KDM5B: variants seen among roughly 807,000 people sequenced by gnomAD.
KDM5B encodes the protein lysine demethylase 5B, also known as lysine-specific demethylase 5B.
In KDM5B, 144 loss-of-function variants were observed where a neutral mutation model predicts 193.4. That is an observed-to-expected ratio of 0.74 (90% CI 0.65 to 0.86). The LOEUF (loss-of-function observed/expected upper bound fraction) is 0.86, where lower values mean the gene tolerates loss of function less well. KDM5B is among the 40% of genes least tolerant of loss of function. The probability of loss-of-function intolerance (pLI) is 0.00; values close to 1 mark genes in which losing one functional copy is unlikely to be tolerated. For synonymous variants in KDM5B, 668 were observed against 682.6 expected, an observed-to-expected ratio of 0.98 and a Z score of 0.33; for missense variants, 1,833 against 1,886.9, an observed-to-expected ratio of 0.97 and a Z score of 0.53.
intron 1 of KDM5B, among the ~76,000 whole-genome samples, chr1:202,780,851 T>C (rs72750695): frequency 0.19 from 28,038 of 151,326 alleles, 2,973 homozygotes; most frequent in Middle Eastern, 0.28. Context: ...ATTACCTACA[T>C]ATACATATGA....
In KDM5B at chr1:202,741,659, G is replaced by A; in HGVS notation, c.2653C>T (p.Pro885Ser). The stretch of plus-strand genomic sequence containing the variant: ...AAGTCCTGCAGCTCCGCAGCACTAG[G>A]CGTTTCCTCAGAGAGTAGTTTCTGA... ...HSQKLLSEETPSAAELQDLLD... is the reference protein window; with the variant it reads ...HSQKLLSEETSSAAELQDLLD... Residue 885 changes from proline (P) to serine (S), a missense_variant, in exon 19 of 27, where the codon CCT becomes TCT. Around this residue, in one of 3 missense-constraint regions of KDM5B, gnomAD observed 1,379 missense variants for 1,349.6 expected, o/e 1.02. Transcript: ENST00000367265. 1 of 1,614,010 alleles carries A rather than the reference G, an allele frequency of 6.2e-7. No homozygotes were observed. The highest frequency in any genetic ancestry group is 1.3e-5 in the African/African-American group (1 of 75,052).
At chr1:202,770,718 C>T (rs1447179713) in intron 4 of KDM5B, among the ~76,000 whole-genome samples, 43 of 152,162 alleles carry the variant, frequency 2.8e-4, no homozygotes, top group Admixed American at 2.8e-3. Flanking sequence ...TGTATATGAA[C>T]AGTACACTTG....
chr1:202,800,292 T>C (rs965140841), intron 1 of KDM5B, among the ~76,000 whole-genome samples: 10 of 152,050 alleles, frequency 6.6e-5, no homozygotes, highest in Non-Finnish European at 1.3e-4. Context: ...TCCACCTGCC[T>C]CGGCCTCCCA....
At chr1:202,743,478 CAGTT>C (rs1167523246) in intron 16 of KDM5B, among the ~76,000 whole-genome samples, 1 of 151,988 alleles carries the variant, frequency 6.6e-6, no homozygotes, top group Non-Finnish European at 1.5e-5. Context: ...TTTTATTCTG[CAGTT>C]AGTGAGTAAC....
chr1:202,802,146 G>A (rs1287470256), intron 1 of KDM5B, among the ~76,000 whole-genome samples: 1 of 152,072 alleles, frequency 6.6e-6, no homozygotes, highest in African/African-American at 2.4e-5. Flanking sequence ...ACCTATAGAT[G>A]GCATTTGGAA....
At chr1:202,760,985 A>C (rs1572736533) in intron 7 of KDM5B, among the ~76,000 whole-genome samples, 2 of 151,760 alleles carry the variant, frequency 1.3e-5, no homozygotes, top group African/African-American at 4.8e-5. Context: ...CCCTTATTGC[A>C]CCACTGCGCT....
Position 202,730,932 on chromosome 1 carries a change from G to T in KDM5B, c.4153C>A (p.Pro1385Thr). The change falls in exon 25 of 27, where the codon CCA becomes ACA. Residue 1385 changes from proline to threonine, a missense_variant. By Grantham distance (38) the Pro-to-Thr change is conservative. This residue lies in a region of KDM5B where 1,379 missense variants were observed against 1,349.6 expected (regional missense o/e 1.02). Coordinates refer to ENST00000367265, the MANE Select transcript of KDM5B (RefSeq NM_006618.5). The stretch of plus-strand genomic sequence containing the variant: ...ACCTTCTCACTGCTGGGTCTCACTG[G>T]TGAGCTTCGGTCAGTCTGCTGAGCA... ...SPAQQTDRSS[P>T]VRPSSEKNDC... is the part of the protein sequence containing the mutation. 6.2e-7 allele frequency: 1 copy of T among 1,609,200 alleles called. No individual in the cohort carries two copies. Among genetic ancestry groups the T allele is most frequent in the African/African-American group, 1.3e-5 (1 of 74,930 alleles).
At chr1:202,767,794 T>C (rs764874392) in intron 4 of KDM5B, among the ~76,000 whole-genome samples, 5 of 152,134 alleles carry the variant, frequency 3.3e-5, no homozygotes, top group Admixed American at 6.6e-5. Context: ...GCATTCCCAA[T>C]GAACCACTTG....
At position 202,733,381 on chromosome 1, in the gene KDM5B, C is replaced by A; in HGVS notation, c.3909+20G>T. The A allele has an allele frequency of 6.2e-7, 1 of 1,603,936 alleles. No homozygotes were observed. Among genetic ancestry groups the A allele is most frequent in the Non-Finnish European group, 8.5e-7 (1 of 1,173,094 alleles). On this transcript the variant is annotated intron_variant, in intron 23 of 26. Coordinates refer to ENST00000367265, the MANE Select transcript of KDM5B (RefSeq NM_006618.5). ...AGCTTTGCAAATTCCAATAACCCAA[C>A]AAGGAAAGTCCAGATTCACCTTGTT...
At chr1:202,785,291 C>T (rs1438424149) in intron 1 of KDM5B, among the ~76,000 whole-genome samples, 1 of 152,188 alleles carries the variant, frequency 6.6e-6, no homozygotes. Context: ...ATCATAGCCA[C>T]TTTAACACAG....
chr1:202,765,542 T>C (rs1371134644), intron 5 of KDM5B, among the ~76,000 whole-genome samples: 2 of 152,352 alleles, frequency 1.3e-5, no homozygotes, highest in Non-Finnish European at 2.9e-5. Flanking sequence ...TATATACACA[T>C]GTATAAGATC....
chr1:202,739,797 T>TC (rs1553350821), intron 20 of KDM5B, among the ~76,000 whole-genome samples: 1 of 152,180 alleles, frequency 6.6e-6, no homozygotes, highest in African/African-American at 2.4e-5. Context: ...GGGGGTAAGG[T>TC]CACCGATCAA....
intron 1 of KDM5B, among the ~76,000 whole-genome samples, chr1:202,787,814 C>T (rs754417835): frequency 1.1e-4 from 16 of 151,570 alleles, no homozygotes; most frequent in Non-Finnish European, 2.1e-4. Context: ...CGCTTGAACC[C>T]GGGAGGTGGA....
chr1:202,787,177 T>G (rs965692662), intron 1 of KDM5B, among the ~76,000 whole-genome samples: 4 of 152,148 alleles, frequency 2.6e-5, no homozygotes, highest in Non-Finnish European at 5.9e-5. Context: ...AGGCTAATTT[T>G]TTAAAGAAAT....
Position 202,740,767 on chromosome 1 carries a change from G to A in KDM5B, c.2991C>T (p.Ile997=), listed in dbSNP as rs144687876. 157 of 1,612,794 alleles carry A rather than the reference G, an allele frequency of 9.7e-5. No homozygotes were observed. Among genetic ancestry groups the A allele is most frequent in the Non-Finnish European group, 7.5e-5 (88 of 1,179,878 alleles). The stretch of plus-strand genomic sequence containing the variant: ...TGGGCAGATATGCAGGGATCTCTTC[G>A]ATTTCCTTTACTGCCGTAGCAAGGC... ...LNSLATAVKE[I]EEIPAYLPNG... Residue 997 remains isoleucine, a synonymous_variant, in exon 20 of 27, where the codon ATC becomes ATT. Coordinates refer to ENST00000367265, the MANE Select transcript of KDM5B (RefSeq NM_006618.5).
intron 1 of KDM5B, among the ~76,000 whole-genome samples, chr1:202,792,290 T>A (rs2102332346): frequency 6.6e-6 from 1 of 151,328 alleles, no homozygotes; most frequent in African/African-American, 2.4e-5. Context: ...TGCCTAAACC[T>A]GTCATGAAAT....
At chr1:202,769,011 G>A (rs2102287879) in intron 4 of KDM5B, among the ~76,000 whole-genome samples, 1 of 151,030 alleles carries the variant, frequency 6.6e-6, no homozygotes, top group South Asian at 2.1e-4. Context: ...ACTGCACCCG[G>A]CCTACGGCCT....
At chr1:202,782,887 G>A (rs896328283) in intron 1 of KDM5B, among the ~76,000 whole-genome samples, 1 of 152,176 alleles carries the variant, frequency 6.6e-6, no homozygotes, top group African/African-American at 2.4e-5. Flanking sequence ...AAGTAAGCCA[G>A]GTGTAGTGGG....
chr1:202,750,839 C>T, intron 12 of KDM5B, 61 bp from the exon 13 acceptor site: 1 of 1,527,626 alleles, frequency 6.5e-7, no homozygotes, highest in South Asian at 1.2e-5. Flanking sequence ...TTACTAAAGA[C>T]AATCTGGACA....
Sources: gnomAD v4.1 joint callset for allele counts (sites outside exome capture counted in the v4.1 genomes callset) on GRCh38, gnomAD v4.1.1 for gene constraint, gnomAD v4.1.1 regional missense constraint, MANE v1.5 for transcripts, NCBI Gene and HGNC (gene_info 2026-07-23, HGNC 2026-07-21) for gene names.